The following SYP variants were observed in gnomAD, a reference collection of about 807,000 sequenced individuals.
The protein encoded by SYP is synaptophysin, also known as major synaptic vesicle protein P38.
In SYP, 2 loss-of-function variants were observed where a neutral mutation model predicts 24.3. That is an observed-to-expected ratio of 0.08 (90% CI 0.03 to 0.26). SYP has a LOEUF of 0.26. SYP is among the 10% of genes least tolerant of loss of function. SYP has a pLI of 1.00. For synonymous variants in SYP, 143 were observed against 123.2 expected (o/e 1.16, Z -1.07); for missense variants, 216 against 266.3 (o/e 0.81, Z 1.32).
chrX:49,199,387 T>G, intron 1 of SYP, among the ~76,000 whole-genome samples: 1 of 94,269 alleles, frequency 1.1e-5, no homozygotes, highest in African/African-American at 4.1e-5. Context: ...GGGGGGGTTG[T>G]GATGGTGAAG....
chrX:49,194,811 C>T (rs1208078450), intron 3 of SYP, among the ~76,000 whole-genome samples: 2 of 102,380 alleles, frequency 2.0e-5, no homozygotes, highest in Non-Finnish European at 3.9e-5. Context: ...CGGGTTCAAG[C>T]GATTCTCCTG....
chrX:49,192,198 A>C (rs2065512469), intron 5 of SYP, among the ~76,000 whole-genome samples: 1 of 112,433 alleles, frequency 8.9e-6, no homozygotes, highest in African/African-American at 3.2e-5. Flanking sequence ...TGAAACTTGC[A>C]TAATTTTTTT....
At chrX:49,199,325 A>T in intron 1 of SYP, 4 of 213,679 alleles carry the variant, frequency 1.9e-5, no homozygotes, top group South Asian at 5.5e-5. Flanking sequence ...GGCGAGTCGG[A>T]TGGGGAAGGG....
At chrX:49,199,343 T>G in intron 1 of SYP, 2 of 270,477 alleles carry the variant, frequency 7.4e-6, no homozygotes, top group South Asian at 5.8e-5. Context: ...GGGGTTCGGG[T>G]AGAGAATGGG....
At chrX:49,192,101 A>C (rs141389732) in intron 5 of SYP, among the ~76,000 whole-genome samples, 487 of 113,192 alleles carry the variant, frequency 4.3e-3, no homozygotes, top group Middle Eastern at 9.2e-3. Context: ...GTAAGGATAC[A>C]AACTTATTAA....
chrX:49,197,726 C>T lies in SYP; in HGVS notation c.216G>A (p.Glu72=). The change falls in exon 3 of 7, where the codon GAG becomes GAA. Residue 72 remains glutamate (E), a synonymous_variant. Coordinates refer to ENST00000263233, the MANE Select transcript of SYP (RefSeq NM_003179.3). ...GGGTGGGAGCACACCTGAAGGGGTA[C>T]TCGAACTCGACCTCGATGCTGAGGT... ...ESDLSIEVEF[E]YPFRLHQVYF... 2 of 1,207,569 alleles carry T rather than the reference C, an allele frequency of 1.7e-6. No homozygotes were observed. Among genetic ancestry groups the T allele is most frequent in the Non-Finnish European group, 2.2e-6 (2 of 893,213 alleles).
chrX:49,190,942 C>A, intron 6 of SYP: 1 of 133,080 alleles, frequency 7.5e-6, no homozygotes, highest in African/African-American at 3.1e-5. Context: ...GGAGAGGCGG[C>A]AGATCTATCC....
intron 1 of SYP, among the ~76,000 whole-genome samples, chrX:49,199,629 TG>T (rs2065542990): frequency 1.5e-5 from 1 of 64,537 alleles, no homozygotes; most frequent in African/African-American, 6.3e-5. Context: ...CGCTATGTGT[TG>T]GGGGTGAGGA....
Position 49,192,082 on chromosome X carries a change from T to C in SYP, c.616-319A>G, listed in dbSNP as rs1032639750. Among the ~76,000 whole-genome samples the C allele has an allele frequency of 6.2e-5, 7 of 113,064 alleles. No individual in the cohort carries two copies. In the South Asian group the frequency reaches 2.5e-3, roughly 40 times the overall value. On this transcript the variant is annotated intron_variant, in intron 5 of 6. Transcript: ENST00000263233. ...AAAATGTAAATTTGTAATATATTCA[T>C]AGTAAAATGTAAGGATACAAACTTA...
At chrX:49,192,287 C>T (rs1468877884) in intron 5 of SYP, among the ~76,000 whole-genome samples, 2 of 111,784 alleles carry the variant, frequency 1.8e-5, no homozygotes, top group Admixed American at 9.4e-5. Flanking sequence ...CTTCGCCTCC[C>T]GGGTTCAAGC....
At chrX:49,194,413 C>A in intron 3 of SYP, 52 bp from the exon 4 acceptor site, 1 of 1,146,090 alleles carries the variant, frequency 8.7e-7, no homozygotes, top group Non-Finnish European at 1.2e-6. Flanking sequence ...CACCCTCAAC[C>A]CTCCAGCCCA....
intron 5 of SYP, 38 bp from the exon 6 acceptor site, chrX:49,191,801 A>G: frequency 8.6e-7 from 1 of 1,168,717 alleles, no homozygotes. Context: ...TACCCCGCCC[A>G]TTGCCTTGGC....
chrX:49,196,593 G>A (rs1319978134), intron 3 of SYP, among the ~76,000 whole-genome samples: 1 of 112,237 alleles, frequency 8.9e-6, no homozygotes, highest in Non-Finnish European at 1.9e-5. Context: ...GATATTATTA[G>A]TATTCCTTTT....
intron 6 of SYP, chrX:49,191,126 TC>T (rs1445048563): frequency 1.3e-5 from 5 of 374,343 alleles, no homozygotes; most frequent in Non-Finnish European, 2.4e-5. Context: ...CCCCCGATAT[TC>T]CCTCCCTTTA....
intron 3 of SYP, among the ~76,000 whole-genome samples, chrX:49,194,704 C>CTTTTTT (rs34247999): frequency 7.0e-4 from 40 of 57,407 alleles, no homozygotes; most frequent in African/African-American, 1.1e-3. Flanking sequence ...CCCTCATCTC[C>CTTTTTT]TTTTTTTTTT....
chrX:49,199,075 G>T (rs2065540025), intron 1 of SYP, 42 bp from the exon 2 acceptor site: 1 of 1,173,954 alleles, frequency 8.5e-7, no homozygotes, highest in Non-Finnish European at 1.2e-6. Flanking sequence ...GTTGTTGGAG[G>T]TACAGGGAGG....
At chrX:49,199,568 G>C (rs1161106495) in intron 1 of SYP, among the ~76,000 whole-genome samples, 1 of 105,617 alleles carries the variant, frequency 9.5e-6, no homozygotes, top group Non-Finnish European at 2.0e-5. Flanking sequence ...AGACATGGCG[G>C]AGAGGGTCTG....
At chrX:49,194,478 T>G in intron 3 of SYP, 117 bp from the exon 4 acceptor site, 1 of 685,242 alleles carries the variant, frequency 1.5e-6, no homozygotes, top group South Asian at 2.6e-5. Context: ...AAATAACCAT[T>G]CATCGAGCAC....
In SYP at chrX:49,191,595, A is replaced by G. The variant is rs782174651; in HGVS notation, c.784T>C (p.Tyr262His). Residue 262 changes from tyrosine to histidine, a missense_variant, in exon 6 of 7, where the codon TAC (tyrosine) becomes CAC (histidine). Coordinates refer to ENST00000263233, the MANE Select transcript of SYP (RefSeq NM_003179.3). ...DAGYGQGPGG[Y>H]GPQDSYGPQG... The stretch of plus-strand genomic sequence containing the variant: ...GGCCCGTAGGAATCCTGGGGCCCGT[A>G]CCCGCCGGGGCCCTGCCCGTAGCCT... 3.3e-6 allele frequency: 4 copies of G among 1,205,410 alleles called. No homozygotes were observed. Among genetic ancestry groups the G allele is most frequent in the Non-Finnish European group, 4.5e-6 (4 of 893,516 alleles).
Sources: allele counts gnomAD v4.1 joint callset (sites outside exome capture counted in the v4.1 genomes callset), GRCh38; gene constraint gnomAD v4.1.1; transcripts MANE v1.5; gene names NCBI Gene and HGNC (gene_info 2026-07-23, HGNC 2026-07-21).